Variants in DST observed in about 807,000 individuals in gnomAD.
The protein encoded by DST is dystonin.
DST carries 253 observed loss-of-function variants against 875.2 expected under a neutral mutation model. That is an observed-to-expected ratio of 0.29 (90% CI 0.26 to 0.32). DST has a LOEUF of 0.32. Ranked by LOEUF, DST falls within the 10% of genes least tolerant of loss-of-function variation. The pLI, the probability that DST is intolerant of heterozygous loss-of-function variation, is 1.00. For missense variants in DST, 8,287 were observed against 9,111.6 expected (o/e 0.91, Z 3.68); for synonymous variants, 3,124 against 3,197.1 (o/e 0.98, Z 0.77).
chr6:56,707,452 C>T (rs2099345464), intron 5 of DST, among the ~76,000 whole-genome samples: 1 of 152,176 alleles, frequency 6.6e-6, no homozygotes, highest in Non-Finnish European at 1.5e-5. Context: ...CAGCCAGCTG[C>T]TTTGTCTCTC....
In DST at chr6:56,620,548, C is replaced by T. The variant is rs373842697; in HGVS notation, c.4929+3982G>A. ...CATTTTCTGCAGCCTCCCTGACCTT[C>T]GGAAGTTCTTCCTCTACTCGGGACT... On this transcript the variant is annotated intron_variant, in intron 36 of 103. Coordinates refer to ENST00000680361, the MANE Select transcript of DST (RefSeq NM_001374736.1). 5.6e-6 allele frequency: 9 copies of T among 1,613,886 alleles called. No homozygotes were observed. The highest frequency in any genetic ancestry group is 1.6e-4 in the Middle Eastern group (1 of 6,084).
rs1438535679 is a variant in DST at position 56,606,340 on chromosome 6, C to T, written c.8288G>A (p.Gly2763Asp). 1 of 1,612,716 alleles carries T rather than the reference C, an allele frequency of 6.2e-7. No homozygotes were observed. Among genetic ancestry groups the T allele is most frequent in the Non-Finnish European group, 8.5e-7 (1 of 1,179,328 alleles). ...CTCTTCCTTTCTTCCTCTCCAACTG[C>T]CACTGTCATCAAATTTTAATGATGC... is the stretch of plus-strand genomic sequence containing the variant. ...FTASLKFDDS[G>D]SWRGRKEEYV... Residue 2763 changes from glycine (G) to aspartate (D), a missense_variant, in exon 40 of 104, where the codon GGC (glycine) becomes GAC (aspartate). Gly to Asp is a moderately conservative substitution (Grantham distance 94, BLOSUM62 -1). This residue lies in a region of DST where 3,138 missense variants were observed against 3,116.6 expected (regional missense o/e 1.01). Coordinates refer to ENST00000680361, the MANE Select transcript of DST (RefSeq NM_001374736.1).
At position 56,488,609 on chromosome 6, in the gene DST, T is replaced by G. The variant is rs111859468; in HGVS notation, c.20877+881A>C. Among the ~76,000 whole-genome samples, 1,045 of 152,272 alleles carry G rather than the reference T, an allele frequency of 6.9e-3. 13 individuals carry two copies. The highest frequency in any genetic ancestry group is 0.024 in the African/African-American group (988 of 41,558). On this transcript the variant is annotated intron_variant, in intron 86 of 103. Coordinates refer to ENST00000680361, the MANE Select transcript of DST (RefSeq NM_001374736.1). ...GACCCACTGATGGAAGCAGCCAACCTATGTGAAGATGATGGCCAGGATTTC... is the reference window on the plus strand; with the variant it reads ...GACCCACTGATGGAAGCAGCCAACCGATGTGAAGATGATGGCCAGGATTTC...
intron 69 of DST, among the ~76,000 whole-genome samples, chr6:56,525,164 T>C (rs955767258): frequency 5.9e-5 from 9 of 152,082 alleles, no homozygotes; most frequent in African/African-American, 1.9e-4. Context: ...CTCCCAAGAG[T>C]ACAGAATAAT....
At chr6:56,882,118 C>T (rs78722587) in intron 3 of DST, among the ~76,000 whole-genome samples, 11 of 152,266 alleles carry the variant, frequency 7.2e-5, no homozygotes, top group Non-Finnish European at 1.5e-4. Context: ...AGAAAAGGCT[C>T]AAAGCAATAT....
intron 35 of DST, 87 bp from the exon 36 acceptor site, chr6:56,624,715 T>G (rs2098718566): frequency 1.2e-6 from 1 of 867,284 alleles, no homozygotes; most frequent in Admixed American, 1.9e-5. Context: ...TTACATTAAC[T>G]AGGCCTTCAG....
Position 56,497,922 on chromosome 6 carries a change from T to C in DST, c.20028A>G (p.Gln6676=), listed in dbSNP as rs773313009. ...NLQNKLEVLN[Q]RWQNVLEKTE... ...TTTTTTCCAAAACATTTTGCCAGCG[T>C]TGATTTAAAACCTCTAGCTTGTTCT... Residue 6676 remains glutamine, a synonymous_variant, in exon 81 of 104, where the codon CAA becomes CAG. Coordinates refer to ENST00000680361, the MANE Select transcript of DST (RefSeq NM_001374736.1). 4.3e-6 allele frequency: 7 copies of C among 1,613,250 alleles called. No homozygotes were observed. The African/African-American group carries it at 9.3e-5, about 22-fold the overall frequency.
Position 56,922,937 on chromosome 6 carries a change from A to AAATAACTCT in DST, c.217-22325_217-22317dup, listed in dbSNP as rs371087494. 9.8e-3 allele frequency among the ~76,000 whole-genome samples: 1,490 copies of AAATAACTCT among 152,324 alleles called. 10 individuals are homozygous for AAATAACTCT. Among genetic ancestry groups the AAATAACTCT allele is most frequent in the Non-Finnish European group, 0.016 (1,080 of 68,020 alleles). ...ATTAAAATTAATATTAAGAAGCTAAAAATAACTCTAGATTCATGTAAAGAT... is the reference window on the plus strand; with the variant it reads ...ATTAAAATTAATATTAAGAAGCTAAAAATAACTCTAATAACTCTAGATTCATGTAAAGAT... On this transcript the variant is annotated intron_variant, in intron 2 of 103. Transcript: ENST00000680361.
chr6:56,584,809 G>A (rs2098112452), intron 49 of DST, among the ~76,000 whole-genome samples: 1 of 152,110 alleles, frequency 6.6e-6, no homozygotes, highest in Non-Finnish European at 1.5e-5. Context: ...ATGAAGGGTT[G>A]TTGAATTTTG....
rs755711244 is a variant in DST, at chr6:56,515,531, T to C, written c.18495A>G (p.Thr6165=). ...GCTGAGAGATGATTGATTGTGTTTCTGTCAGCCATGGCCAAAGTTCTTCAT... is the reference window on the plus strand; with the variant it reads ...GCTGAGAGATGATTGATTGTGTTTCCGTCAGCCATGGCCAAAGTTCTTCAT... ...ETYEELWPWL[T]ETQSIISQLP... Residue 6165 remains threonine, a synonymous_variant, in exon 72 of 104, where the codon ACA becomes ACG. Transcript: ENST00000680361. 6.2e-7 allele frequency: 1 copy of C among 1,613,972 alleles called. No homozygotes were observed. Among genetic ancestry groups the C allele is most frequent in the South Asian group, 1.1e-5 (1 of 91,086 alleles).
intron 88 of DST, 181 bp downstream of exon 88, chr6:56,485,131 C>A: frequency 3.3e-6 from 2 of 602,840 alleles, no homozygotes; most frequent in Non-Finnish European, 5.5e-6. Flanking sequence ...AATACTTCCC[C>A]ATCACTTTTA....
In DST at chr6:56,561,517, T is replaced by G. The variant is rs780041096; in HGVS notation, c.14101A>C (p.Ile4701Leu). Residue 4701 changes from isoleucine to leucine, a missense_variant, in exon 57 of 104, where the codon ATA (isoleucine) becomes CTA (leucine). By Grantham distance (5) the Ile-to-Leu change is conservative. Coordinates refer to ENST00000680361, the MANE Select transcript of DST (RefSeq NM_001374736.1). ...LTSIKKDMTD[I>L]SHGYEDLGLL... ...CCAAGATCTTCATAACCATGACTTA[T>G]GTCAGTCATGTCCTTTTTAATGGAT... 4 of 1,613,322 alleles carry G rather than the reference T, an allele frequency of 2.5e-6. No individual in the cohort carries two copies. Among genetic ancestry groups the G allele is most frequent in the Admixed American group, 1.7e-5 (1 of 60,000 alleles).
At chr6:56,503,098 C>G (rs2096190300) in intron 78 of DST, among the ~76,000 whole-genome samples, 1 of 152,038 alleles carries the variant, frequency 6.6e-6, no homozygotes, top group Admixed American at 6.6e-5. Context: ...ATTCTTATAT[C>G]ATGGATGTGT....
Position 56,552,698 on chromosome 6 carries a change from G to C in DST, c.16094C>G (p.Thr5365Arg), listed in dbSNP as rs758246752. 4 of 1,613,372 alleles carry C rather than the reference G, an allele frequency of 2.5e-6. No homozygotes were observed. The highest frequency in any genetic ancestry group is 8.5e-7 in the Non-Finnish European group (1 of 1,179,898). ...CTTTTCATCAACCTGCTGACTTAGT[G>C]TACTATGCTCTTGAGCTATGGTTTC... ...QVETIAQEHS[T>R]LSQQVDEKCS... is the part of the protein sequence containing the mutation. Residue 5365 changes from threonine (T) to arginine (R), a missense_variant, in exon 61 of 104, where the codon ACA becomes AGA. Coordinates refer to ENST00000680361, the MANE Select transcript of DST (RefSeq NM_001374736.1).
intron 5 of DST, among the ~76,000 whole-genome samples, chr6:56,707,602 C>G (rs2099346223): frequency 6.6e-6 from 1 of 152,158 alleles, no homozygotes; most frequent in South Asian, 2.1e-4. Context: ...ACTATGCCTA[C>G]ACCCTACCAG....
intron 47 of DST, among the ~76,000 whole-genome samples, chr6:56,594,426 A>G (rs2098336674): frequency 6.6e-6 from 1 of 152,176 alleles, no homozygotes; most frequent in Non-Finnish European, 1.5e-5. Flanking sequence ...TTCTCTATGT[A>G]CTTAATCAGA....
chr6:56,596,035 A>ATTTATTTATTTATTTG (rs1174453226), intron 47 of DST, among the ~76,000 whole-genome samples: 26 of 151,304 alleles, frequency 1.7e-4, no homozygotes, highest in African/African-American at 5.3e-4. Flanking sequence ...TTATTTATTT[A>ATTTATTTATTTATTTG]TTTATTTATT....
At chr6:56,584,815 T>G (rs1002056392) in intron 49 of DST, among the ~76,000 whole-genome samples, 5 of 152,188 alleles carry the variant, frequency 3.3e-5, no homozygotes, top group Non-Finnish European at 5.9e-5. Context: ...GGTTGTTGAA[T>G]TTTGTCAAAG....
chr6:56,643,953 T>G lies in DST; in HGVS notation c.1779-1450A>C, dbSNP rs115825809. ...ATCTCATACTCATAACCACCCAATGTAGTAGGCACTATTACATCCTGTTTA... is the reference window on the plus strand; with the variant it reads ...ATCTCATACTCATAACCACCCAATGGAGTAGGCACTATTACATCCTGTTTA... On this transcript the variant is annotated intron_variant, in intron 15 of 103. Coordinates refer to ENST00000680361, the MANE Select transcript of DST (RefSeq NM_001374736.1). 6.6e-3 allele frequency among the ~76,000 whole-genome samples: 1,004 copies of G among 152,344 alleles called. 13 individuals are homozygous for G. The highest frequency in any genetic ancestry group is 0.023 in the African/African-American group (971 of 41,572).
Sources: gnomAD v4.1 joint callset for allele counts (sites outside exome capture counted in the v4.1 genomes callset) on GRCh38, gnomAD v4.1.1 for gene constraint, gnomAD v4.1.1 regional missense constraint, MANE v1.5 for transcripts, NCBI Gene and HGNC (gene_info 2026-07-23, HGNC 2026-07-21) for gene names.